Variants in AKR1E2 observed in about 807,000 individuals in gnomAD.
AKR1E2 encodes 1,5-anhydro-D-fructose reductase.
Under a neutral mutation model 41.9 loss-of-function variants are expected in AKR1E2, and 43 were observed. The observed-to-expected ratio is 1.03, with a 90% CI of 0.80 to 1.32. The LOEUF (loss-of-function observed/expected upper bound fraction) is 1.32. AKR1E2 is among the 40% of genes most tolerant of loss of function. The probability of loss-of-function intolerance (pLI) is 0.00; values close to 1 mark genes in which losing one functional copy is unlikely to be tolerated. For synonymous variants in AKR1E2, 121 were observed against 138.9 expected, an observed-to-expected ratio of 0.87 and a Z score of 0.91; for missense variants, 423 against 396.5, an observed-to-expected ratio of 1.07 and a Z score of -0.57.
At chr10:4,842,054 T>C (rs949246794) in intron 7 of AKR1E2, among the ~76,000 whole-genome samples, 197 bp downstream of exon 7, 2 of 152,200 alleles carry the variant, frequency 1.3e-5, no homozygotes, top group Admixed American at 6.5e-5. Context: ...TACTCTTGCC[T>C]CCGAGCCTGT....
At chr10:4,841,322 A>G (rs116578421) in intron 6 of AKR1E2, among the ~76,000 whole-genome samples, 2,473 of 152,278 alleles carry the variant, frequency 0.016, 70 homozygotes, top group African/African-American at 0.057. Context: ...CATCTTCAAA[A>G]CCACTTTTAA....
the AKR1E2 span, among the ~76,000 whole-genome samples, chr10:4,854,846 T>A: frequency 3.3e-5 from 5 of 149,884 alleles, no homozygotes; most frequent in Admixed American, 3.3e-4. Flanking sequence ...GAGGCCCAAC[T>A]AAGGAGGGTT....
At position 4,839,808 on chromosome 10, in the gene AKR1E2, G is replaced by T; in HGVS notation, c.662G>T (p.Arg221Leu). Residue 221 changes from arginine (R) to leucine (L), a missense_variant, in exon 6 of 10, where the codon CGT (arginine) becomes CTT (leucine). Physicochemically the swap from Arg to Leu is moderately radical, Grantham distance 102. Coordinates refer to ENST00000298375, the MANE Select transcript of AKR1E2 (RefSeq NM_001040177.3). ...AGAGATGTGTCCGTGACTGCTTACC[G>T]TCCTCTTGGTGGCTCGTGGTAAGGA... is the stretch of plus-strand genomic sequence containing the variant. Reference protein sequence around the residue: ...QSRDVSVTAYRPLGGSCEGVD... With the variant: ...QSRDVSVTAYLPLGGSCEGVD... The T allele has an allele frequency of 1.9e-6, 3 of 1,613,998 alleles. No individual in the cohort carries two copies. The highest frequency in any genetic ancestry group is 1.1e-5 in the South Asian group (1 of 91,064).
At chr10:4,854,794 C>T in the AKR1E2 span, among the ~76,000 whole-genome samples, 1 of 152,012 alleles carries the variant, frequency 6.6e-6, no homozygotes, top group Non-Finnish European at 1.5e-5. Context: ...GTTAGAGGCC[C>T]CTCTTCATAA....
upstream of AKR1E2, chr10:4,826,107 G>T (rs1027026123): frequency 2.7e-5 from 11 of 401,272 alleles, no homozygotes; most frequent in Admixed American, 4.4e-4. Context: ...CGGGGTGCCC[G>T]TCCTTAATAC....
At chr10:4,860,495 C>G in the AKR1E2 span, among the ~76,000 whole-genome samples, 3 of 152,264 alleles carry the variant, frequency 2.0e-5, 1 homozygote, top group East Asian at 5.8e-4. Context: ...CTGTCTGATT[C>G]ACACAAGGGG....
At chr10:4,839,647 ACTT>A in intron 5 of AKR1E2, 79 bp from the exon 6 acceptor site, 1 of 1,313,554 alleles carries the variant, frequency 7.6e-7, no homozygotes, top group Non-Finnish European at 1.1e-6. Context: ...GACAGCCAAG[ACTT>A]TGACGCAGGT....
At chr10:4,861,323 A>G in the AKR1E2 span, among the ~76,000 whole-genome samples, 2 of 152,204 alleles carry the variant, frequency 1.3e-5, no homozygotes, top group Non-Finnish European at 2.9e-5. Flanking sequence ...ATTAGCAAAT[A>G]TAGAACATTT....
Position 4,839,752 on chromosome 10 carries a change from T to C in AKR1E2, c.606T>C (p.Thr202=), listed in dbSNP as rs1359163619. 6.2e-7 allele frequency: 1 copy of C among 1,614,152 alleles called. No homozygotes were observed. Among genetic ancestry groups the C allele is most frequent in the Non-Finnish European group, 8.5e-7 (1 of 1,179,996 alleles). ...AGATTGAGTGCCACCCATATCTTAC[T>C]CAGAAGAATCTGATCAGTTTTTGCC... ...TNQIECHPYL[T]QKNLISFCQS... Residue 202 remains threonine (T), a synonymous_variant, in exon 6 of 10, where the codon ACT becomes ACC. Transcript: ENST00000298375.
intron 8 of AKR1E2, among the ~76,000 whole-genome samples, chr10:4,844,264 C>T (rs1262431057): frequency 2.6e-5 from 4 of 151,288 alleles, no homozygotes; most frequent in African/African-American, 9.7e-5. Flanking sequence ...TAAGGTGGCG[C>T]GTCTGGAGTT....
intron 9 of AKR1E2, 105 bp from the exon 10 acceptor site, chr10:4,847,383 A>G (rs1834410532): frequency 4.6e-6 from 7 of 1,529,300 alleles, no homozygotes; most frequent in African/African-American, 1.4e-5. Flanking sequence ...GAATGAAGCT[A>G]ATTTCATGCA....
intron 7 of AKR1E2, among the ~76,000 whole-genome samples, chr10:4,842,113 C>A (rs1259255447): frequency 1.3e-5 from 2 of 152,174 alleles, no homozygotes; most frequent in African/African-American, 4.8e-5. Context: ...GCCCCACCAA[C>A]TGCATGCATG....
At chr10:4,839,883 T>G (rs1200394689) in intron 6 of AKR1E2, 57 bp downstream of exon 6, 1 of 1,482,560 alleles carries the variant, frequency 6.7e-7, no homozygotes, top group Non-Finnish European at 9.4e-7. Context: ...AGATGCCACC[T>G]TCTCATTTCC....
chr10:4,860,636 AC>A, the AKR1E2 span, among the ~76,000 whole-genome samples: 1 of 152,368 alleles, frequency 6.6e-6, no homozygotes, highest in Admixed American at 6.5e-5. Context: ...TACGATGTAT[AC>A]ATTATTAAAT....
At chr10:4,843,580 TG>T (rs930258343) in intron 8 of AKR1E2, among the ~76,000 whole-genome samples, 8 of 152,364 alleles carry the variant, frequency 5.3e-5, no homozygotes, top group Admixed American at 3.3e-4. Context: ...TGCTGCATCC[TG>T]AGGGCTCGGT....
At chr10:4,855,659 T>G in the AKR1E2 span, among the ~76,000 whole-genome samples, 7 of 152,226 alleles carry the variant, frequency 4.6e-5, 1 homozygote, top group Non-Finnish European at 1.0e-4. Context: ...GAGCTTTAAT[T>G]TATTGGCTTA....
Position 4,830,657 on chromosome 10 carries a change from G to A in AKR1E2, c.40-18G>A, listed in dbSNP as rs1832897329. On this transcript the variant is annotated intron_variant, in intron 1 of 9. Transcript: ENST00000298375. ...TCCTCTGACTGTGAGAAGACACTTT[G>A]TTTTGTTGGTTTTGCAGGCTTCTCC... The A allele has an allele frequency of 2.5e-6, 4 of 1,612,910 alleles. No homozygotes were observed. The highest frequency in any genetic ancestry group is 1.1e-5 in the South Asian group (1 of 90,998).
At chr10:4,833,488 G>A (rs1412575907) in intron 3 of AKR1E2, 22 bp downstream of exon 3, 13 of 1,596,008 alleles carry the variant, frequency 8.1e-6, no homozygotes, top group Admixed American at 3.3e-5. Context: ...TAGGTAGTTC[G>A]TTCTGCAGTT....
rs552055588 is a variant in AKR1E2, at chr10:4,845,044, G to T, written c.838-2104G>T. ...GAGGCTCAGGCATGGCGGGCTGCAG[G>T]TCCCGAGCCCTGCCCTGCGGGGAGG... On this transcript the variant is annotated intron_variant, in intron 8 of 9. Coordinates refer to ENST00000298375, the MANE Select transcript of AKR1E2 (RefSeq NM_001040177.3). Among the ~76,000 whole-genome samples, 4 of 152,310 alleles carry T rather than the reference G, an allele frequency of 2.6e-5. No homozygotes were observed. The South Asian group carries it at 8.3e-4, about 32-fold the overall frequency.
Sources: gnomAD v4.1 joint callset for allele counts (sites outside exome capture counted in the v4.1 genomes callset) on GRCh38, gnomAD v4.1.1 for gene constraint, MANE v1.5 for transcripts, NCBI Gene and HGNC (gene_info 2026-07-23, HGNC 2026-07-21) for gene names.